Variants in KIF13A observed in about 807,000 individuals in gnomAD.
KIF13A encodes kinesin family member 13A.
Under a neutral mutation model 212.2 loss-of-function variants are expected in KIF13A, and 79 were observed. That is an observed-to-expected ratio of 0.37 (90% CI 0.31 to 0.45). KIF13A has a LOEUF of 0.45. Among genes scored for constraint, KIF13A ranks in the 20% least tolerant of loss-of-function variants. KIF13A has a pLI of 1.00. For missense variants in KIF13A, 1,901 were observed against 2,209.0 expected, an observed-to-expected ratio of 0.86 and a Z score of 2.79; for synonymous variants, 789 against 808.6, an observed-to-expected ratio of 0.98 and a Z score of 0.41.
intron 4 of KIF13A, among the ~76,000 whole-genome samples, chr6:17,863,394 G>T: frequency 6.7e-6 from 1 of 149,410 alleles, no homozygotes. Flanking sequence ...TTAACACTGA[G>T]AAGGGTACAG....
At chr6:17,808,957 G>A in intron 17 of KIF13A, 27 bp from the exon 18 acceptor site, 1 of 1,542,854 alleles carries the variant, frequency 6.5e-7, no homozygotes, top group Non-Finnish European at 8.7e-7. Context: ...AAGGGAACGA[G>A]AAAATCTAAA....
At chr6:17,929,660 A>C (rs927856337) in intron 2 of KIF13A, among the ~76,000 whole-genome samples, 1 of 152,066 alleles carries the variant, frequency 6.6e-6, no homozygotes, top group Non-Finnish European at 1.5e-5. Context: ...TTGGCCTCCC[A>C]AAGTGCTGGG....
intron 4 of KIF13A, among the ~76,000 whole-genome samples, chr6:17,863,521 G>A (rs1028927998): frequency 2.0e-5 from 3 of 151,948 alleles, no homozygotes; most frequent in South Asian, 2.1e-4. Flanking sequence ...ACTCGTGGCC[G>A]GAGTTATACT....
Position 17,783,678 on chromosome 6 carries a change from G to A in KIF13A, c.3512C>T (p.Thr1171Ile), listed in dbSNP as rs537497725. ...ADWIPPPGME[T>I]HIPVLFLDLN... is the part of the protein sequence containing the mutation. ...ATCGAGGAAGAGAACTGGTATGTGGGTTTCCATTCCAGGAGGTGGGATCCT... is the reference window on the plus strand; with the variant it reads ...ATCGAGGAAGAGAACTGGTATGTGGATTTCCATTCCAGGAGGTGGGATCCT... Residue 1171 changes from threonine (T) to isoleucine (I), a missense_variant, in exon 29 of 39, where the codon ACC (threonine) becomes ATC (isoleucine). By Grantham distance (89) the Thr-to-Ile change is moderately conservative. Around this residue, in one of 5 missense-constraint regions of KIF13A, gnomAD observed 168 missense variants for 250.9 expected, o/e 0.67. Coordinates refer to ENST00000259711, the MANE Select transcript of KIF13A (RefSeq NM_022113.6). This position sits in a 1 kb window ranked among gnomAD's most constrained non-coding sequence, Gnocchi z 4.3. 3.3e-5 allele frequency: 52 copies of A among 1,581,610 alleles called. No individual in the cohort carries two copies. In the South Asian group the frequency reaches 5.8e-4, roughly 18 times the overall value.
Position 17,984,502 on chromosome 6 carries a change from G to C in KIF13A, c.146+2552C>G, listed in dbSNP as rs555465811. ...CAAAACAAACATCTTTAACCTCAGA[G>C]ATCCTCTGATCTTTTAGTCCTAGCT... On this transcript the variant is annotated intron_variant, in intron 2 of 38. Transcript: ENST00000259711. This position sits in a 1 kb window ranked among gnomAD's most constrained non-coding sequence, Gnocchi z 5.0. 8.5e-5 allele frequency: 84 copies of C among 984,520 alleles called. No homozygotes were observed. Among genetic ancestry groups the C allele is most frequent in the South Asian group, 7.5e-4 (16 of 21,254 alleles). The allele number at this position is 984,520 out of a possible 1,614,324, so 61.0% of individuals were successfully genotyped here. A position where few individuals can be genotyped will look rare whatever the true frequency, so the allele number is the denominator to read the frequency against.
rs1360581996 is a variant in KIF13A, at chr6:17,796,724, T to G, written c.2887A>C (p.Ser963Arg). 6.3e-7 allele frequency: 1 copy of G among 1,593,374 alleles called. No individual in the cohort carries two copies. Among genetic ancestry groups the G allele is most frequent in the African/African-American group, 1.4e-5 (1 of 73,746 alleles). Residue 963 changes from serine (S) to arginine (R), a missense_variant, in exon 23 of 39, where the codon AGC (serine) becomes CGC (arginine). Physicochemically the swap from Ser to Arg is moderately radical, Grantham distance 110. Transcript: ENST00000259711. ...AGAGAATCGACCTCCCAGATGGAGCTGCCATTTCCAGCACACCGGTGGCCC... is the reference window on the plus strand; with the variant it reads ...AGAGAATCGACCTCCCAGATGGAGCGGCCATTTCCAGCACACCGGTGGCCC... ...VWGHRCAGNG[S>R]SIWEVDSLHA...
intron 4 of KIF13A, among the ~76,000 whole-genome samples, chr6:17,861,028 A>C (rs990869387): frequency 6.6e-6 from 1 of 152,196 alleles, no homozygotes; most frequent in Non-Finnish European, 1.5e-5. Flanking sequence ...ATTTCCACTA[A>C]ATATATACAT....
chr6:17,936,782 A>G (rs950938127), intron 2 of KIF13A, among the ~76,000 whole-genome samples: 5 of 152,238 alleles, frequency 3.3e-5, no homozygotes, highest in African/African-American at 2.4e-5. Context: ...AATGTAATGA[A>G]TGATGAAATT....
rs1156321128 is a variant in KIF13A, at chr6:17,772,291, A to G, written c.4325-232T>C. On this transcript the variant is annotated intron_variant, in intron 36 of 38. Coordinates refer to ENST00000259711, the MANE Select transcript of KIF13A (RefSeq NM_022113.6). The surrounding 1 kb of genome is among the most constrained non-coding windows in gnomAD (Gnocchi z 4.8). ...AGGCATGGTGGTGTCTACTTGTTGT[A>G]CTTGCTACTCAGGAGGCTGAGGCGA... Among the ~76,000 whole-genome samples, 1 of 152,052 alleles carries G rather than the reference A, an allele frequency of 6.6e-6. No individual in the cohort carries two copies. The highest frequency in any genetic ancestry group is 1.5e-5 in the Non-Finnish European group (1 of 67,978).
At position 17,951,084 on chromosome 6, in the gene KIF13A, T is replaced by C. The variant is rs1777803512; in HGVS notation, c.146+35970A>G. ...AGGACACCTAAGGAATTGTACTTAT[T>C]ATATATAACACTTTGCCAACCATCC... On this transcript the variant is annotated intron_variant, in intron 2 of 38. Transcript: ENST00000259711. The surrounding 1 kb of genome is among the most constrained non-coding windows in gnomAD (Gnocchi z 4.9). 9.1e-7 allele frequency: 1 copy of C among 1,102,242 alleles called. No homozygotes were observed. The highest frequency in any genetic ancestry group is 5.0e-5 in the Admixed American group (1 of 19,976). The allele number at this position is 1,102,242 out of a possible 1,614,324, so 68.3% of individuals were successfully genotyped here.
In KIF13A at chr6:17,799,585, A is replaced by T; in HGVS notation, c.2617-146T>A. The T allele has an allele frequency of 1.5e-6, 1 of 679,392 alleles. No homozygotes were observed. The highest frequency in any genetic ancestry group is 2.2e-5 in the South Asian group (1 of 45,698). 42.1% of individuals were successfully genotyped at this position (679,392 alleles called of 1,614,324 possible). ...TATTATATCTGACACCGTGACACTAAGGGTTGTATCGATAATGAAATCTGT... is the reference window on the plus strand; with the variant it reads ...TATTATATCTGACACCGTGACACTATGGGTTGTATCGATAATGAAATCTGT... On this transcript the variant is annotated intron_variant, in intron 21 of 38. Transcript: ENST00000259711. This position sits in a 1 kb window ranked among gnomAD's most constrained non-coding sequence, Gnocchi z 4.4.
Position 17,799,515 on chromosome 6 carries a change from G to C in KIF13A, c.2617-76C>G, listed in dbSNP as rs1762308403. The C allele has an allele frequency of 1.9e-5, 23 of 1,237,424 alleles. No homozygotes were observed. Among genetic ancestry groups the C allele is most frequent in the Non-Finnish European group, 2.4e-5 (22 of 908,894 alleles). The allele number at this position is 1,237,424 out of a possible 1,614,324, so 76.7% of individuals were successfully genotyped here. A position where few individuals can be genotyped will look rare whatever the true frequency, so the allele number is the denominator to read the frequency against. On this transcript the variant is annotated intron_variant, in intron 21 of 38. Transcript: ENST00000259711. This position sits in a 1 kb window ranked among gnomAD's most constrained non-coding sequence, Gnocchi z 4.4. ...TTCATTTCAGCTACCTCAAATTTAA[G>C]AGTAAGCGATGAAACAAATTGGTCA...
chr6:17,957,141 C>T (rs185870632), intron 2 of KIF13A, among the ~76,000 whole-genome samples: 2 of 152,300 alleles, frequency 1.3e-5, no homozygotes, highest in Admixed American at 1.3e-4. Context: ...CTTGGCCTCT[C>T]AAAGTGCAGG....
Position 17,794,858 on chromosome 6 carries a change from A to G in KIF13A, c.2943-154T>C. ...CTTCCTTATTTAACTCTCAAAACCA[A>G]CCTGTCATATTGTTTCTTTTTATTT... On this transcript the variant is annotated intron_variant, in intron 23 of 38. Transcript: ENST00000259711. This position sits in a 1 kb window ranked among gnomAD's most constrained non-coding sequence, Gnocchi z 4.1. The G allele has an allele frequency of 1.5e-6, 1 of 669,184 alleles. No homozygotes were observed. The highest frequency in any genetic ancestry group is 2.4e-6 in the Non-Finnish European group (1 of 414,014). The allele number at this position is 669,184 out of a possible 1,614,324, so 41.5% of individuals were successfully genotyped here. A position where few individuals can be genotyped will look rare whatever the true frequency, so the allele number is the denominator to read the frequency against.
chr6:17,893,334 A>C (rs1047406232), intron 3 of KIF13A, among the ~76,000 whole-genome samples: 42 of 152,324 alleles, frequency 2.8e-4, no homozygotes, highest in African/African-American at 9.6e-4. Context: ...GGGTTTTAGA[A>C]GCTCTGCCTG....
rs1171121834 is a variant in KIF13A, at chr6:17,872,421, T to C, written c.220+956A>G. ...GTAGGAAGAAATAGTTCACGAGCTC[T>C]ATTGTACAACACGGTGACTATAGTT... On this transcript the variant is annotated intron_variant, in intron 4 of 38. Coordinates refer to ENST00000259711, the MANE Select transcript of KIF13A (RefSeq NM_022113.6). The surrounding 1 kb of genome is among the most constrained non-coding windows in gnomAD (Gnocchi z 4.7). Among the ~76,000 whole-genome samples, 1 of 152,188 alleles carries C rather than the reference T, an allele frequency of 6.6e-6. No homozygotes were observed. Among genetic ancestry groups the C allele is most frequent in the African/African-American group, 2.4e-5 (1 of 41,460 alleles).
rs889680826 is a variant in KIF13A at position 17,984,819 on chromosome 6, A to C, written c.146+2235T>G. Among the ~76,000 whole-genome samples the C allele has an allele frequency of 6.6e-6, 1 of 152,212 alleles. No homozygotes were observed. Among genetic ancestry groups the C allele is most frequent in the African/African-American group, 2.4e-5 (1 of 41,456 alleles). On this transcript the variant is annotated intron_variant, in intron 2 of 38. Coordinates refer to ENST00000259711, the MANE Select transcript of KIF13A (RefSeq NM_022113.6). The surrounding 1 kb of genome is among the most constrained non-coding windows in gnomAD (Gnocchi z 5.0). Reference sequence around the variant, plus strand: ...AGATATGAAAAATAATAACATTCTCAGTATTCTACTCTTCACCTTTGCCCT... The same window carrying C: ...AGATATGAAAAATAATAACATTCTCCGTATTCTACTCTTCACCTTTGCCCT...
chr6:17,791,771 G>T (rs935472281), intron 25 of KIF13A, among the ~76,000 whole-genome samples: 1 of 151,142 alleles, frequency 6.6e-6, no homozygotes, highest in African/African-American at 2.4e-5. Context: ...GTGGTGGTGC[G>T]GGCCTGTAAT....
intron 2 of KIF13A, among the ~76,000 whole-genome samples, chr6:17,937,757 T>G (rs1018881587): frequency 2.9e-5 from 4 of 139,888 alleles, no homozygotes; most frequent in Non-Finnish European, 6.2e-5. Context: ...TTTTTTTTTT[T>G]TTGTTTTTTT....
Sources: allele counts gnomAD v4.1 joint callset (sites outside exome capture counted in the v4.1 genomes callset), GRCh38; gene constraint gnomAD v4.1.1; regional missense constraint gnomAD v4.1.1; non-coding constraint Gnocchi (gnomAD v3.1); transcripts MANE v1.5; gene names NCBI Gene and HGNC (gene_info 2026-07-23, HGNC 2026-07-21).